Variants in SPATA18 observed in about 807,000 individuals in gnomAD.
The protein encoded by SPATA18 is spermatogenesis associated 18.
In SPATA18, 54 loss-of-function variants were observed where a neutral mutation model predicts 68.1. The ratio of observed to expected loss-of-function variants is 0.79; its 90% confidence interval spans 0.64 to 0.99. The LOEUF (loss-of-function observed/expected upper bound fraction) is 0.99. Ranked by LOEUF, SPATA18 falls within the 50% of genes least tolerant of loss-of-function variation. The pLI is 0.00. For missense variants in SPATA18, 724 were observed against 681.1 expected (o/e 1.06, Z -0.70); for synonymous variants, 242 against 244.8 (o/e 0.99, Z 0.11).
intron 6 of SPATA18, 104 bp downstream of exon 6, chr4:52,072,260 A>G (rs1739929238): frequency 6.7e-7 from 1 of 1,492,986 alleles, no homozygotes; most frequent in Admixed American, 2.3e-5. Context: ...CCCTGAACCA[A>G]AACCTCAGCA....
At chr4:52,068,410 C>T (rs1241259694) in intron 4 of SPATA18, among the ~76,000 whole-genome samples, 3 of 152,042 alleles carry the variant, frequency 2.0e-5, no homozygotes, top group Admixed American at 1.3e-4. Flanking sequence ...AATTATTGCC[C>T]TCAAATAGTT....
In SPATA18 at chr4:52,051,834, G is replaced by A. The variant is rs779525433; in HGVS notation, c.87+43G>A. 1.4e-5 allele frequency: 21 copies of A among 1,551,680 alleles called. No individual in the cohort carries two copies. The East Asian group carries it at 4.5e-4, about 33-fold the overall frequency. On this transcript the variant is annotated intron_variant, in intron 1 of 12. Coordinates refer to ENST00000295213, the MANE Select transcript of SPATA18 (RefSeq NM_145263.4). ...ACCCCCGGGGTTCGCCCTCCCATAG[G>A]TTCCAGCACAGCCCTTGTCGGGGAT... is the stretch of plus-strand genomic sequence containing the variant.
chr4:52,094,141 G>T (rs1742221796), intron 11 of SPATA18, among the ~76,000 whole-genome samples: 1 of 152,106 alleles, frequency 6.6e-6, no homozygotes, highest in South Asian at 2.1e-4. Context: ...GAAAGATGAA[G>T]ATTTTCTGGT....
At position 52,094,537 on chromosome 4, in the gene SPATA18, G is replaced by A; in HGVS notation, c.1574G>A (p.Ser525Asn). ...SQIGLNTMSR[S>N]RSPSPIRCGL... ...TTTTATATTTTCCAGATGTCTCGAAGTCGGAGTCCTTCTCCAATAAGATGT... is the reference window on the plus strand; with the variant it reads ...TTTTATATTTTCCAGATGTCTCGAAATCGGAGTCCTTCTCCAATAAGATGT... The change falls in exon 12 of 13, where the codon AGT (serine) becomes AAT (asparagine). Residue 525 changes from serine (S) to asparagine (N), a missense_variant. By Grantham distance (46) the Ser-to-Asn change is conservative. Transcript: ENST00000295213. 1.2e-6 allele frequency: 2 copies of A among 1,613,432 alleles called. No homozygotes were observed. The highest frequency in any genetic ancestry group is 1.3e-5 in the African/African-American group (1 of 75,004).
intron 6 of SPATA18, among the ~76,000 whole-genome samples, chr4:52,073,004 G>T (rs1739998836): frequency 6.6e-6 from 1 of 152,110 alleles, no homozygotes; most frequent in African/African-American, 2.4e-5. Flanking sequence ...TGGAGTCTCT[G>T]CATTTCCCTT....
chr4:52,084,884 C>A (rs967242308), intron 10 of SPATA18, 32 bp from the exon 11 acceptor site: 64 of 1,606,826 alleles, frequency 4.0e-5, no homozygotes, highest in Non-Finnish European at 5.0e-5. Context: ...AAACTCCTGA[C>A]TATGTCTCTC....
At chr4:52,074,566 T>A (rs1222754683) in intron 6 of SPATA18, among the ~76,000 whole-genome samples, 1 of 152,114 alleles carries the variant, frequency 6.6e-6, no homozygotes, top group Non-Finnish European at 1.5e-5. Context: ...ACATGAGTGG[T>A]ATTAGGAGTG....
intron 4 of SPATA18, 115 bp from the exon 5 acceptor site, chr4:52,069,706 C>A: frequency 1.8e-6 from 1 of 540,746 alleles, no homozygotes; most frequent in Non-Finnish European, 2.9e-6. Flanking sequence ...TTAATTTGAT[C>A]TTGTTTATGT....
chr4:52,088,905 CTGGTCCTGGACTTTTTTTGGT>C (rs1248081199), intron 11 of SPATA18, among the ~76,000 whole-genome samples: 13 of 152,174 alleles, frequency 8.5e-5, no homozygotes, highest in Non-Finnish European at 1.8e-4. Context: ...GTGAATCCGT[CTGGTCCTGGACTTTTTTTGGT>C]TGGTAGGCTA....
chr4:52,085,326 A>G (rs1465544625), intron 11 of SPATA18, among the ~76,000 whole-genome samples: 1 of 152,194 alleles, frequency 6.6e-6, no homozygotes, highest in Non-Finnish European at 1.5e-5. Flanking sequence ...TAGTCAACTG[A>G]TCTTGGCACA....
At chr4:52,056,811 C>G (rs1404176038) in intron 1 of SPATA18, among the ~76,000 whole-genome samples, 1 of 152,172 alleles carries the variant, frequency 6.6e-6, no homozygotes, top group Non-Finnish European at 1.5e-5. Flanking sequence ...CTGCTTTTGC[C>G]AGACAGATTT....
At position 52,076,801 on chromosome 4, in the gene SPATA18, A is replaced by G; in HGVS notation, c.781A>G (p.Ser261Gly). The G allele has an allele frequency of 6.2e-7, 1 of 1,613,922 alleles. No homozygotes were observed. Among genetic ancestry groups the G allele is most frequent in the Non-Finnish European group, 8.5e-7 (1 of 1,179,870 alleles). ...CAGGTCCTCCAGGAGCCGGTCTCCC[A>G]GCCCTGCCCCTCGCAGCCGTAGCTG... is the stretch of plus-strand genomic sequence containing the variant. ...QGRSSRSRSPSPAPRSRSCSR... is the reference protein window; with the variant it reads ...QGRSSRSRSPGPAPRSRSCSR... The change falls in exon 7 of 13, where the codon AGC (serine) becomes GGC (glycine). Residue 261 changes from serine to glycine, a missense_variant. Physicochemically the swap from Ser to Gly is moderately conservative, Grantham distance 56. Transcript: ENST00000295213.
At chr4:52,094,069 A>G (rs1742213844) in intron 11 of SPATA18, among the ~76,000 whole-genome samples, 1 of 152,184 alleles carries the variant, frequency 6.6e-6, no homozygotes, top group African/African-American at 2.4e-5. Flanking sequence ...CTGACCGGCT[A>G]TGTCACTGAC....
At chr4:52,082,605 A>G in intron 10 of SPATA18, 95 bp downstream of exon 10, 1 of 1,609,012 alleles carries the variant, frequency 6.2e-7, no homozygotes, top group Non-Finnish European at 8.5e-7. Context: ...AAAGAAGTTT[A>G]TAAAGAGTTG....
At chr4:52,053,901 T>C (rs1738113507) in intron 1 of SPATA18, among the ~76,000 whole-genome samples, 1 of 152,174 alleles carries the variant, frequency 6.6e-6, no homozygotes, top group Admixed American at 6.5e-5. Flanking sequence ...CACTCCAAAT[T>C]TCCTATTTCA....
rs748952238 is a variant in SPATA18, at chr4:52,062,294, G to A, written c.384G>A (p.Leu128=). ...DRDMQQLDSN[L]NSTRSQCNQV... is the part of the protein sequence containing the mutation. ...ATATGCAACAGTTAGACTCTAATTT[G>A]AACTCAACCCGGAGTCAATGCAACC... The change falls in exon 4 of 13, where the codon TTG becomes TTA. Residue 128 remains leucine (L), a synonymous_variant. Transcript: ENST00000295213. 1.0e-5 allele frequency: 16 copies of A among 1,604,284 alleles called. No individual in the cohort carries two copies. The Admixed American group carries it at 2.5e-4, about 25-fold the overall frequency.
At chr4:52,052,302 T>C (rs537201118) in intron 1 of SPATA18, among the ~76,000 whole-genome samples, 8 of 152,306 alleles carry the variant, frequency 5.3e-5, no homozygotes, top group African/African-American at 1.9e-4. Context: ...GGACACTTGT[T>C]AACGTTGCGG....
Position 52,078,816 on chromosome 4 carries a change from T to A in SPATA18, c.1102T>A (p.Ser368Thr). ...RKSLTPSYVG[S>T]NDFENAVLDY... ...ATCGTTGACACCATCTTATGTGGGGTCGAATGACTTTGAGAATGCTGTCTT... is the reference window on the plus strand; with the variant it reads ...ATCGTTGACACCATCTTATGTGGGGACGAATGACTTTGAGAATGCTGTCTT... The change falls in exon 8 of 13, where the codon TCG becomes ACG. Residue 368 changes from serine (S) to threonine (T), a missense_variant. Coordinates refer to ENST00000295213, the MANE Select transcript of SPATA18 (RefSeq NM_145263.4). 1 of 1,609,938 alleles carries A rather than the reference T, an allele frequency of 6.2e-7. No individual in the cohort carries two copies. Among genetic ancestry groups the A allele is most frequent in the Non-Finnish European group, 8.5e-7 (1 of 1,176,656 alleles).
intron 3 of SPATA18, among the ~76,000 whole-genome samples, chr4:52,061,863 G>A (rs1467341952): frequency 6.6e-6 from 1 of 152,120 alleles, no homozygotes; most frequent in African/African-American, 2.4e-5. Flanking sequence ...CTGTGTGGGT[G>A]TTATTCTAGG....
Sources: allele counts gnomAD v4.1 joint callset (sites outside exome capture counted in the v4.1 genomes callset), GRCh38; gene constraint gnomAD v4.1.1; transcripts MANE v1.5; gene names NCBI Gene and HGNC (gene_info 2026-07-23, HGNC 2026-07-21).